The following NT5DC3 variants were observed in gnomAD, a reference collection of about 807,000 sequenced individuals.
NT5DC3 encodes the protein 5'-nucleotidase domain-containing protein 3.
In NT5DC3, 42 loss-of-function variants were observed where a neutral mutation model predicts 67.8. The observed-to-expected ratio is 0.62, with a 90% confidence interval of 0.48 to 0.80. The LOEUF (loss-of-function observed/expected upper bound fraction) is 0.80. Ranked by LOEUF, NT5DC3 falls within the 30% of genes least tolerant of loss-of-function variation. NT5DC3 has a pLI of 0.00. For synonymous variants in NT5DC3, 237 were observed against 255.6 expected (o/e 0.93, Z 0.69); for missense variants, 570 against 696.4 (o/e 0.82, Z 2.04).
the NT5DC3 span, chr12:103,761,173 C>G: frequency 6.6e-6 from 5 of 762,546 alleles, no homozygotes; most frequent in African/African-American, 1.7e-5. Context: ...AAGTCCTGGG[C>G]TGCCTATCAG....
chr12:103,816,664 G>C (rs12423476), intron 1 of NT5DC3, among the ~76,000 whole-genome samples: 22,091 of 152,132 alleles, frequency 0.15, 1,985 homozygotes, highest in East Asian at 0.47. Context: ...TCCACTGGAT[G>C]CTTTTAAAAA....
Position 103,835,314 on chromosome 12 carries a change from T to A in NT5DC3, c.208+5635A>T, listed in dbSNP as rs981812235. On this transcript the variant is annotated intron_variant, in intron 1 of 13. Transcript: ENST00000392876. ...ACAAGACAAAGAAGAAAAAGCCTCA[T>A]GAATGACCCCACATTCTCAGGGGTA... Among the ~76,000 whole-genome samples the A allele has an allele frequency of 3.3e-5, 5 of 152,284 alleles. No individual in the cohort carries two copies. In the East Asian group the frequency reaches 7.7e-4, roughly 24 times the overall value.
At chr12:103,746,352 A>G in the NT5DC3 span, 2 of 358,978 alleles carry the variant, frequency 5.6e-6, no homozygotes, top group Non-Finnish European at 5.2e-6. Flanking sequence ...GCCCCTAAAG[A>G]ACATTTTTTC....
chr12:103,818,338 T>G (rs530592537), intron 1 of NT5DC3, among the ~76,000 whole-genome samples: 1 of 152,136 alleles, frequency 6.6e-6, no homozygotes, highest in Non-Finnish European at 1.5e-5. Flanking sequence ...CATTTCTTTA[T>G]TGGTTTTTCT....
chr12:103,761,458 C>G, the NT5DC3 span: 1 of 1,533,410 alleles, frequency 6.5e-7, no homozygotes, highest in Non-Finnish European at 9.0e-7. Flanking sequence ...GCCCCGGTGC[C>G]CACTCACCAA....
downstream of NT5DC3, chr12:103,772,193 A>AAT (rs1172044008): frequency 2.0e-5 from 3 of 152,150 alleles, no homozygotes; most frequent in African/African-American, 7.2e-5. Flanking sequence ...TTTTTGTAGA[A>AAT]ATAACCTCAA....
In NT5DC3 at chr12:103,776,052, G is replaced by A. The variant is rs1332784535; in HGVS notation, c.*1777C>T. On this transcript the variant is annotated 3_prime_UTR_variant, in exon 14 of 14. Transcript: ENST00000392876. ...AATGAGTTTTAGCAATACTAGATTAGGCTAATCTGAACAGAAGTATTGATA... is the reference window on the plus strand; with the variant it reads ...AATGAGTTTTAGCAATACTAGATTAAGCTAATCTGAACAGAAGTATTGATA... The A allele has an allele frequency of 1.2e-4, 18 of 151,930 alleles. No individual in the cohort carries two copies. The highest frequency in any genetic ancestry group is 1.5e-5 in the Non-Finnish European group (1 of 68,000). The allele number at this position is 151,930 out of a possible 1,614,324, so 9.4% of individuals were successfully genotyped here.
chr12:103,833,098 AGTATATTCTG>A (rs1487137508), intron 1 of NT5DC3, among the ~76,000 whole-genome samples: 3 of 152,194 alleles, frequency 2.0e-5, no homozygotes, highest in Non-Finnish European at 4.4e-5. Flanking sequence ...TAACTTCCCA[AGTATATTCTG>A]TCAAGCCTCA....
At chr12:103,832,237 T>A (rs1031747432) in intron 1 of NT5DC3, among the ~76,000 whole-genome samples, 1 of 151,896 alleles carries the variant, frequency 6.6e-6, no homozygotes, top group Non-Finnish European at 1.5e-5. Context: ...AAAGCCAAAG[T>A]CCAAAAGAAC....
At chr12:103,836,894 G>A (rs117808226) in intron 1 of NT5DC3, among the ~76,000 whole-genome samples, 2,759 of 152,220 alleles carry the variant, frequency 0.018, 44 homozygotes, top group Middle Eastern at 0.037. Flanking sequence ...CTACTATTCC[G>A]GGGTCTGGAG....
At chr12:103,788,595 C>T (rs1321479332) in intron 10 of NT5DC3, among the ~76,000 whole-genome samples, 1 of 152,132 alleles carries the variant, frequency 6.6e-6, no homozygotes, top group Non-Finnish European at 1.5e-5. Flanking sequence ...ATGTTACACA[C>T]TATGAAAGTC....
At chr12:103,797,914 A>G (rs1337039168) in intron 5 of NT5DC3, among the ~76,000 whole-genome samples, 1 of 152,220 alleles carries the variant, frequency 6.6e-6, no homozygotes, top group Non-Finnish European at 1.5e-5. Context: ...TTCTCAGAAC[A>G]TTTATATTAG....
the NT5DC3 span, chr12:103,762,290 G>C: frequency 6.2e-7 from 1 of 1,614,210 alleles, no homozygotes. Flanking sequence ...ACCCACACTG[G>C]CTTGGGAGCA....
intron 2 of NT5DC3, among the ~76,000 whole-genome samples, chr12:103,810,453 C>T (rs1334421993): frequency 6.6e-6 from 1 of 152,170 alleles, no homozygotes; most frequent in East Asian, 1.9e-4. Flanking sequence ...AGTTTAGAAA[C>T]TTTTCACCAC....
chr12:103,768,884 G>T (rs1057121600), downstream of NT5DC3: 4 of 151,924 alleles, frequency 2.6e-5, no homozygotes, highest in African/African-American at 9.7e-5. Flanking sequence ...AGCTGTTACT[G>T]GAAGACCCAG....
chr12:103,804,750 AC>A (rs1285493282), intron 4 of NT5DC3, among the ~76,000 whole-genome samples: 1 of 152,216 alleles, frequency 6.6e-6, no homozygotes, highest in Non-Finnish European at 1.5e-5. Context: ...GCACGGCACT[AC>A]CTGGCTTAAG....
chr12:103,826,635 T>C (rs1887707887), intron 1 of NT5DC3, among the ~76,000 whole-genome samples: 2 of 152,248 alleles, frequency 1.3e-5, no homozygotes, highest in Admixed American at 1.3e-4. Context: ...GTCAGACTTT[T>C]AACTTCCAGA....
At chr12:103,831,906 G>A (rs1887947913) in intron 1 of NT5DC3, among the ~76,000 whole-genome samples, 1 of 151,460 alleles carries the variant, frequency 6.6e-6, no homozygotes, top group African/African-American at 2.4e-5. Flanking sequence ...CCTCCCAAGT[G>A]GCTGGGATTA....
chr12:103,750,672 A>G, the NT5DC3 span: 5 of 1,614,244 alleles, frequency 3.1e-6, no homozygotes, highest in Non-Finnish European at 4.2e-6. Context: ...CTTACAGGAC[A>G]ATGGGCAGTG....
Sources: allele counts gnomAD v4.1 joint callset (sites outside exome capture counted in the v4.1 genomes callset), GRCh38; gene constraint gnomAD v4.1.1; transcripts MANE v1.5; gene names NCBI Gene and HGNC (gene_info 2026-07-23, HGNC 2026-07-21).